TET2: variants seen among roughly 807,000 people sequenced by gnomAD.
TET2 encodes the protein methylcytosine dioxygenase TET2.
TET2 carries 299 observed loss-of-function variants against 142.9 expected under a neutral mutation model. The ratio of observed to expected loss-of-function variants is 2.09; its 90% CI spans 1.90 to 2.30. The LOEUF (loss-of-function observed/expected upper bound fraction) is 2.30, where lower values mean the gene tolerates loss of function less well. Ranked by LOEUF, TET2 falls within the 30% of genes most tolerant of loss-of-function variation. The pLI is 0.00. For synonymous variants in TET2, 819 were observed against 849.0 expected (o/e 0.96, Z 0.61); for missense variants, 2,418 against 2,378.0 (o/e 1.02, Z -0.35).
At chr4:105,155,016 C>A (rs902125583) in intron 1 of TET2, among the ~76,000 whole-genome samples, 1 of 151,854 alleles carries the variant, frequency 6.6e-6, no homozygotes. Context: ...CAAAATGAGA[C>A]CCTCTCTCTC....
rs192023413 is a variant in TET2 at position 105,211,640 on chromosome 4, G to A, written c.-47+21135G>A. ...GGATAGTTCAGAAGAGGGCACTGCAGCTGGCTGAAAGAGAACAAGAAAGGC... is the reference window on the plus strand; with the variant it reads ...GGATAGTTCAGAAGAGGGCACTGCAACTGGCTGAAAGAGAACAAGAAAGGC... On this transcript the variant is annotated intron_variant, in intron 2 of 10. Coordinates refer to ENST00000380013, the MANE Select transcript of TET2 (RefSeq NM_001127208.3). Among the ~76,000 whole-genome samples, 10 of 152,296 alleles carry A rather than the reference G, an allele frequency of 6.6e-5. No homozygotes were observed. The East Asian group carries it at 1.9e-3, about 29-fold the overall frequency.
At chr4:105,237,418 T>A (rs1235237969) in intron 3 of TET2, 67 bp downstream of exon 3, 1 of 1,613,844 alleles carries the variant, frequency 6.2e-7, no homozygotes, top group African/African-American at 1.3e-5. Flanking sequence ...TCTTCAGATA[T>A]GGGATTTTCC....
At chr4:105,212,822 T>C (rs1448315397) in intron 2 of TET2, among the ~76,000 whole-genome samples, 1 of 152,062 alleles carries the variant, frequency 6.6e-6, no homozygotes, top group Non-Finnish European at 1.5e-5. Flanking sequence ...AAACCCTGTC[T>C]CTACTAAAAA....
rs114129477 is a variant in TET2 at position 105,232,296 on chromosome 4, C to T, written c.-46-1601C>T. Among the ~76,000 whole-genome samples, 394 of 152,230 alleles carry T rather than the reference C, an allele frequency of 2.6e-3. 3 individuals are homozygous for T. Among genetic ancestry groups the T allele is most frequent in the African/African-American group, 9.1e-3 (378 of 41,516 alleles). ...GACATTTAGGTTGATTCCATGTCTT[C>T]GCTATCATTAATAGTGCTGTGATGA... On this transcript the variant is annotated intron_variant, in intron 2 of 10. Transcript: ENST00000380013.
chr4:105,235,816 C>T lies in TET2; in HGVS notation c.1874C>T (p.Thr625Ile), dbSNP rs772086157. ...LPRQAYTQKT[T>I]QLEHKSQMYQ... is the part of the protein sequence containing the mutation. ...AGGCAAGCTTACACCCAGAAAACAA[C>T]ACAGCTGGAGCACAAGTCACAAATG... Residue 625 changes from threonine to isoleucine, a missense_variant, in exon 3 of 11, where the codon ACA becomes ATA. Physicochemically the swap from Thr to Ile is moderately conservative, Grantham distance 89. Coordinates refer to ENST00000380013, the MANE Select transcript of TET2 (RefSeq NM_001127208.3). The T allele has an allele frequency of 4.3e-5, 70 of 1,613,968 alleles. No homozygotes were observed. Among genetic ancestry groups the T allele is most frequent in the Admixed American group, 1.7e-4 (10 of 59,956 alleles).
chr4:105,193,881 A>T (rs542198096), intron 2 of TET2, among the ~76,000 whole-genome samples: 27 of 152,282 alleles, frequency 1.8e-4, no homozygotes, highest in African/African-American at 6.5e-4. Flanking sequence ...AATCCGTGTA[A>T]TACTAACATA....
chr4:105,255,548 A>G (rs186651902), intron 6 of TET2, among the ~76,000 whole-genome samples: 55 of 152,130 alleles, frequency 3.6e-4, no homozygotes, highest in Admixed American at 5.9e-4. Context: ...TTAATCTTCT[A>G]TCTACTTTTA....
intron 1 of TET2, among the ~76,000 whole-genome samples, chr4:105,152,199 C>T (rs1013095454): frequency 3.3e-5 from 5 of 152,120 alleles, no homozygotes; most frequent in Non-Finnish European, 5.9e-5. Flanking sequence ...ATTGCTTGAA[C>T]CCTCCCGGGA....
intron 10 of TET2, 38 bp from the exon 11 acceptor site, chr4:105,275,010 A>G (rs1731128057): frequency 6.8e-7 from 1 of 1,465,510 alleles, no homozygotes; most frequent in East Asian, 2.5e-5. Context: ...ATCAACATCA[A>G]AGATACCTGT....
rs115568199 is a variant in TET2 at position 105,209,496 on chromosome 4, A to G, written c.-47+18991A>G. Among the ~76,000 whole-genome samples, 328 of 152,112 alleles carry G rather than the reference A, an allele frequency of 2.2e-3. 3 individuals are homozygous for G. The highest frequency in any genetic ancestry group is 7.7e-3 in the African/African-American group (318 of 41,542). ...ATCAAAATGTTCTACACCTCTTGATATAGGTCAGTGGCTGATGTAATGTGC... is the reference window on the plus strand; with the variant it reads ...ATCAAAATGTTCTACACCTCTTGATGTAGGTCAGTGGCTGATGTAATGTGC... On this transcript the variant is annotated intron_variant, in intron 2 of 10. Transcript: ENST00000380013.
intron 2 of TET2, among the ~76,000 whole-genome samples, chr4:105,216,289 G>A (rs1727488527): frequency 6.6e-6 from 1 of 152,040 alleles, no homozygotes; most frequent in Admixed American, 6.6e-5. Flanking sequence ...ACAGGTCGGG[G>A]GGAGGAGAGT....
chr4:105,200,626 CTG>C (rs759478307), intron 2 of TET2, among the ~76,000 whole-genome samples: 2 of 147,356 alleles, frequency 1.4e-5, no homozygotes, highest in Non-Finnish European at 3.0e-5. Flanking sequence ...CCAGGTCACA[CTG>C]TTTTTTTTTG....
At chr4:105,238,264 T>TGG (rs1452373320) in intron 3 of TET2, 1 of 238,284 alleles carries the variant, frequency 4.2e-6, no homozygotes, top group Non-Finnish European at 8.9e-6. Context: ...GGACTGATCA[T>TGG]GGTGGTAGTT....
intron 1 of TET2, among the ~76,000 whole-genome samples, chr4:105,150,581 T>C (rs1256266766): frequency 2.6e-5 from 4 of 152,188 alleles, no homozygotes; most frequent in African/African-American, 7.2e-5. Context: ...CCAGCAGCAA[T>C]AGAATATCTC....
chr4:105,245,549 G>A (rs1217249193), intron 6 of TET2, among the ~76,000 whole-genome samples: 1 of 151,980 alleles, frequency 6.6e-6, no homozygotes, highest in Non-Finnish European at 1.5e-5. Flanking sequence ...AGGCTGGTCT[G>A]GAACTCCTGA....
chr4:105,244,564 G>A (rs1225228550), intron 6 of TET2, among the ~76,000 whole-genome samples: 1 of 133,396 alleles, frequency 7.5e-6, no homozygotes, highest in Non-Finnish European at 1.6e-5. Flanking sequence ...ATAGATGAAT[G>A]TTCACGGTGC....
At chr4:105,172,967 A>G (rs1724561231) in intron 1 of TET2, among the ~76,000 whole-genome samples, 2 of 152,184 alleles carry the variant, frequency 1.3e-5, no homozygotes, top group Admixed American at 6.5e-5. Flanking sequence ...TTATTATACA[A>G]TGATACTATT....
chr4:105,238,334 A>AGT (rs1729078285), intron 3 of TET2: 1 of 238,290 alleles, frequency 4.2e-6, no homozygotes, highest in African/African-American at 2.2e-5. Flanking sequence ...ACAACAGTGA[A>AGT]GTGCTGTATC....
Position 105,235,147 on chromosome 4 carries a change from C to G in TET2, c.1205C>G (p.Ser402Ter), listed in dbSNP as rs753786411. The change falls in exon 3 of 11, where the codon TCA becomes TGA. Residue 402 changes from serine to a stop codon, truncating the protein, a stop_gained. Transcript: ENST00000380013. LOFTEE classifies it high-confidence loss of function. ...GCCACTACCACACCACCACCACCAT[C>G]ACAATTGCTTCTTTCTCCCCCTCCT... ...FSATTTPPPP[S>*]QLLLSPPPPL... is the part of the protein sequence containing the mutation. The G allele has an allele frequency of 1.9e-6, 3 of 1,613,664 alleles. No individual in the cohort carries two copies. The highest frequency in any genetic ancestry group is 1.7e-5 in the Admixed American group (1 of 59,976).
Sources: allele counts gnomAD v4.1 joint callset (sites outside exome capture counted in the v4.1 genomes callset), GRCh38; gene constraint gnomAD v4.1.1; transcripts MANE v1.5; gene names NCBI Gene and HGNC (gene_info 2026-07-23, HGNC 2026-07-21).